CACNA2D2: variants seen among roughly 807,000 people sequenced by gnomAD.
The protein encoded by CACNA2D2 is calcium voltage-gated channel auxiliary subunit alpha2delta 2, also known as voltage-dependent calcium channel subunit alpha-2/delta-2.
CACNA2D2 carries 48 observed loss-of-function variants against 166.4 expected under a neutral mutation model. The observed-to-expected ratio is 0.29, with a 90% CI of 0.23 to 0.37. CACNA2D2 has a LOEUF of 0.37. Among genes scored for constraint, CACNA2D2 ranks in the 10% least tolerant of loss-of-function variants. CACNA2D2 has a pLI of 1.00. For missense variants in CACNA2D2, 1,122 were observed against 1,433.0 expected (o/e 0.78, Z 3.50); for synonymous variants, 561 against 573.7 (o/e 0.98, Z 0.32).
intron 2 of CACNA2D2, among the ~76,000 whole-genome samples, chr3:50,445,526 C>T (rs1708803001): frequency 6.6e-6 from 1 of 152,222 alleles, no homozygotes; most frequent in Non-Finnish European, 1.5e-5. Context: ...TTTTTAGGCT[C>T]TCCTTGAATT....
chr3:50,447,769 G>A (rs935076090), intron 2 of CACNA2D2, among the ~76,000 whole-genome samples: 1 of 152,120 alleles, frequency 6.6e-6, no homozygotes, highest in Non-Finnish European at 1.5e-5. Context: ...TGCTTGCCCA[G>A]AACTCCACAC....
intron 5 of CACNA2D2, among the ~76,000 whole-genome samples, chr3:50,384,939 T>C (rs1446210590): frequency 6.6e-6 from 1 of 152,146 alleles, no homozygotes; most frequent in Non-Finnish European, 1.5e-5. Context: ...ACCATTCAGA[T>C]CTGCTGACCT....
At chr3:50,484,538 T>G (rs936199249) in intron 1 of CACNA2D2, among the ~76,000 whole-genome samples, 83 of 152,134 alleles carry the variant, frequency 5.5e-4, no homozygotes, top group African/African-American at 1.8e-3. Flanking sequence ...CTTCGGCACA[T>G]GCTGTTCCCT....
chr3:50,365,696 G>A lies in CACNA2D2; in HGVS notation c.2916-8C>T. 6.3e-7 allele frequency: 1 copy of A among 1,590,864 alleles called. No individual in the cohort carries two copies. The highest frequency in any genetic ancestry group is 1.1e-5 in the South Asian group (1 of 88,080). ...AGCTGCTGGAACAGGGACCTGCAGC[G>A]CACGGGGAGCCGAGTGCAGGTGGTC... On this transcript the variant is annotated splice_polypyrimidine_tract_variant and splice_region_variant and intron_variant, in intron 33 of 37. Transcript: ENST00000424201. This position sits in a 1 kb window ranked among gnomAD's most constrained non-coding sequence, Gnocchi z 4.5.
intron 1 of CACNA2D2, among the ~76,000 whole-genome samples, chr3:50,487,608 C>T (rs1321723322): frequency 6.6e-6 from 1 of 152,174 alleles, no homozygotes; most frequent in Non-Finnish European, 1.5e-5. Flanking sequence ...AGCAAATCCC[C>T]TCTGCAGGCT....
At chr3:50,405,342 T>G (rs1706651928) in intron 3 of CACNA2D2, among the ~76,000 whole-genome samples, 1 of 117,390 alleles carries the variant, frequency 8.5e-6, no homozygotes, top group Non-Finnish European at 1.7e-5. Flanking sequence ...GGTTGCAGGG[T>G]CAGAGAGCAA....
intron 23 of CACNA2D2, 79 bp downstream of exon 23, chr3:50,370,241 T>C: frequency 1.0e-6 from 1 of 957,480 alleles, no homozygotes; most frequent in South Asian, 1.4e-5. Context: ...CACACAGAGC[T>C]CCAGGCAGCA....
chr3:50,494,597 A>G (rs1317686147), intron 1 of CACNA2D2, among the ~76,000 whole-genome samples: 1 of 152,164 alleles, frequency 6.6e-6, no homozygotes. Context: ...CTCACACCAC[A>G]TAGACATCTT....
intron 2 of CACNA2D2, among the ~76,000 whole-genome samples, chr3:50,453,881 A>C (rs1357616090): frequency 3.3e-5 from 5 of 151,628 alleles, no homozygotes; most frequent in African/African-American, 1.2e-4. Context: ...CCCGGTTTGG[A>C]GTGGTAGGTC....
At chr3:50,466,274 G>C (rs1202097867) in intron 2 of CACNA2D2, among the ~76,000 whole-genome samples, 1 of 99,644 alleles carries the variant, frequency 1.0e-5, no homozygotes, top group Non-Finnish European at 2.0e-5. Context: ...GTGTGCGCAT[G>C]TGTGTGTGTG....
Position 50,367,199 on chromosome 3 carries a change from C to A in CACNA2D2, c.2402-90G>T, listed in dbSNP as rs985334930. ...TCCTACAAACCCAGCAGTCCAATCCCGGGATGACTCCAGCCCAAGCACCCA... is the reference window on the plus strand; with the variant it reads ...TCCTACAAACCCAGCAGTCCAATCCAGGGATGACTCCAGCCCAAGCACCCA... On this transcript the variant is annotated intron_variant, in intron 27 of 37. Transcript: ENST00000424201. This position sits in a 1 kb window ranked among gnomAD's most constrained non-coding sequence, Gnocchi z 6.5. 7.3e-6 allele frequency: 8 copies of A among 1,100,170 alleles called. No homozygotes were observed. In the Admixed American group the frequency reaches 1.6e-4, roughly 22 times the overall value. The allele number at this position is 1,100,170 out of a possible 1,614,324, so 68.2% of individuals were successfully genotyped here.
chr3:50,478,868 T>C (rs781467529), intron 1 of CACNA2D2, among the ~76,000 whole-genome samples: 1 of 152,156 alleles, frequency 6.6e-6, no homozygotes, highest in African/African-American at 2.4e-5. Flanking sequence ...AGAAACCATG[T>C]TTTTCCCCCT....
intron 3 of CACNA2D2, chr3:50,416,240 C>G (rs1190072079): frequency 1.3e-5 from 2 of 152,274 alleles, no homozygotes; most frequent in Non-Finnish European, 2.9e-5. Flanking sequence ...AGAAACACCC[C>G]TGGAGGGTAG....
intron 1 of CACNA2D2, among the ~76,000 whole-genome samples, chr3:50,496,897 G>C (rs924392663): frequency 6.6e-6 from 1 of 152,196 alleles, no homozygotes; most frequent in Non-Finnish European, 1.5e-5. Flanking sequence ...GGGTCTAAGA[G>C]GGGCAGGGAA....
At chr3:50,377,932 C>A in intron 15 of CACNA2D2, 76 bp downstream of exon 15, 1 of 1,525,528 alleles carries the variant, frequency 6.6e-7, no homozygotes, top group Non-Finnish European at 9.1e-7. Context: ...AGGGGGCCCT[C>A]CAGGGTCTTG....
At chr3:50,476,496 G>A (rs948814984) in intron 1 of CACNA2D2, among the ~76,000 whole-genome samples, 4 of 152,228 alleles carry the variant, frequency 2.6e-5, no homozygotes, top group Non-Finnish European at 4.4e-5. Context: ...ACTTTTCATT[G>A]TGAAGAGCCA....
intron 3 of CACNA2D2, among the ~76,000 whole-genome samples, chr3:50,396,623 C>T (rs570853741): frequency 5.3e-5 from 8 of 152,242 alleles, no homozygotes; most frequent in East Asian, 1.9e-4. Context: ...GTGACTTGTA[C>T]GGTTCGCAAT....
chr3:50,440,727 C>G (rs374559188), intron 2 of CACNA2D2, among the ~76,000 whole-genome samples: 1 of 152,038 alleles, frequency 6.6e-6, no homozygotes, highest in Admixed American at 6.5e-5. Flanking sequence ...CTCCTTACAT[C>G]CCCCTGGAAC....
chr3:50,435,976 G>A (rs1708302599), intron 2 of CACNA2D2, among the ~76,000 whole-genome samples: 1 of 152,192 alleles, frequency 6.6e-6, no homozygotes, highest in African/African-American at 2.4e-5. Flanking sequence ...CGTTCACAGA[G>A]GGAGACAGTG....
Sources: allele counts gnomAD v4.1 joint callset (sites outside exome capture counted in the v4.1 genomes callset), GRCh38; gene constraint gnomAD v4.1.1; non-coding constraint Gnocchi (gnomAD v3.1); transcripts MANE v1.5; gene names NCBI Gene and HGNC (gene_info 2026-07-23, HGNC 2026-07-21).